The following C8B variants were observed in gnomAD, a reference collection of about 807,000 sequenced individuals.
The protein encoded by C8B is complement component C8 beta chain.
Under a neutral mutation model 64.6 loss-of-function variants are expected in C8B, and 67 were observed. The observed-to-expected ratio is 1.04, with a 90% CI of 0.85 to 1.27. The LOEUF (loss-of-function observed/expected upper bound fraction) is 1.27, where lower values mean the gene tolerates loss of function less well. Ranked by LOEUF, C8B falls within the 50% of genes most tolerant of loss-of-function variation. C8B has a pLI of 0.00. For synonymous variants in C8B, 284 were observed against 257.7 expected (o/e 1.10, Z -0.98); for missense variants, 790 against 725.2 (o/e 1.09, Z -1.03).
chr1:56,936,594 T>C lies in C8B; in HGVS notation c.1399-3106A>G, dbSNP rs892588245. On this transcript the variant is annotated intron_variant, in intron 9 of 11. Transcript: ENST00000371237. ...TTTCTTGGTTTTTTCTTTTCCTTTT[T>C]TCTTTTCTTTTTTTTTTTGAGACAG... 8.8e-4 allele frequency among the ~76,000 whole-genome samples: 129 copies of C among 146,680 alleles called. 4 individuals are homozygous for C. The highest frequency in any genetic ancestry group is 3.1e-4 in the Non-Finnish European group (20 of 65,278).
intron 1 of C8B, among the ~76,000 whole-genome samples, chr1:56,964,949 G>C (rs1645230939): frequency 6.6e-6 from 1 of 152,158 alleles, no homozygotes; most frequent in African/African-American, 2.4e-5. Flanking sequence ...CCTAATAGCT[G>C]TTACTTATTG....
chr1:56,933,533 C>A (rs547941636), intron 9 of C8B, 45 bp from the exon 10 acceptor site: 1 of 1,560,902 alleles, frequency 6.4e-7, no homozygotes, highest in East Asian at 2.2e-5. Context: ...AAACATTTAT[C>A]AAGTAGAAGT....
At chr1:56,964,532 C>T (rs563231910) in intron 1 of C8B, among the ~76,000 whole-genome samples, 2 of 152,176 alleles carry the variant, frequency 1.3e-5, no homozygotes, top group African/African-American at 2.4e-5. Context: ...ACCTGGCACA[C>T]CTTTCAACCC....
intron 6 of C8B, among the ~76,000 whole-genome samples, chr1:56,946,372 C>T (rs1209626508): frequency 6.6e-5 from 10 of 152,118 alleles, no homozygotes; most frequent in African/African-American, 9.7e-5. Flanking sequence ...TCTGATGGGA[C>T]ATGGGGTTTG....
intron 6 of C8B, 95 bp from the exon 7 acceptor site, chr1:56,946,156 C>T (rs1358525105): frequency 5.5e-6 from 8 of 1,448,244 alleles, no homozygotes; most frequent in African/African-American, 1.4e-5. Context: ...ATGTTCTTGG[C>T]CTGGGGTCAT....
Position 56,946,062 on chromosome 1 carries a change from C to G in C8B, c.865-1G>C, listed in dbSNP as rs1644937659. 1 of 1,613,952 alleles carries G rather than the reference C, an allele frequency of 6.2e-7. No homozygotes were observed. Among genetic ancestry groups the G allele is most frequent in the Admixed American group, 1.7e-5 (1 of 60,010 alleles). On this transcript the variant is annotated splice_acceptor_variant, in intron 6 of 11. Coordinates refer to ENST00000371237, the MANE Select transcript of C8B (RefSeq NM_000066.4). LOFTEE classifies it high-confidence loss of function. ...AGCGTGCATGCAGAAATACGCTTTTCTAAATGAAATACCAACATGGGAAAA... is the reference window on the plus strand; with the variant it reads ...AGCGTGCATGCAGAAATACGCTTTTGTAAATGAAATACCAACATGGGAAAA...
intron 4 of C8B, among the ~76,000 whole-genome samples, chr1:56,953,019 C>A (rs141502324): frequency 6.6e-6 from 1 of 152,290 alleles, no homozygotes; most frequent in East Asian, 1.9e-4. Flanking sequence ...TTACTGTTTA[C>A]TGAGGGTGTA....
chr1:56,942,879 G>T (rs1338516055), intron 8 of C8B, among the ~76,000 whole-genome samples: 1 of 151,130 alleles, frequency 6.6e-6, no homozygotes, highest in Non-Finnish European at 1.5e-5. Flanking sequence ...GAGACCAGCT[G>T]GGCAACATGG....
chr1:56,950,178 A>T (rs1645000589), intron 5 of C8B, among the ~76,000 whole-genome samples: 1 of 152,196 alleles, frequency 6.6e-6, no homozygotes, highest in South Asian at 2.1e-4. Flanking sequence ...AGGCTTTTGA[A>T]TTACTTCTCC....
chr1:56,931,845 G>A lies in C8B; in HGVS notation c.1586C>T (p.Ser529Phe), dbSNP rs1644706499. Residue 529 changes from serine (S) to phenylalanine (F), a missense_variant, in exon 11 of 12, where the codon TCC becomes TTC. Physicochemically the swap from Ser to Phe is radical, Grantham distance 155 (BLOSUM62 -2). Transcript: ENST00000371237. ...SRCDCICPVG[S>F]QGLACEVSYR... ...GGAGACCTCACAGGCTAGGCCTTGGGATCCAACAGGACAGATGCAGTCACA... is the reference window on the plus strand; with the variant it reads ...GGAGACCTCACAGGCTAGGCCTTGGAATCCAACAGGACAGATGCAGTCACA... 1 of 1,612,300 alleles carries A rather than the reference G, an allele frequency of 6.2e-7. No individual in the cohort carries two copies. The highest frequency in any genetic ancestry group is 8.5e-7 in the Non-Finnish European group (1 of 1,179,110).
At chr1:56,961,628 T>C (rs60423620) in intron 1 of C8B, among the ~76,000 whole-genome samples, 4,213 of 152,300 alleles carry the variant, frequency 0.028, 195 homozygotes, top group African/African-American at 0.097. Context: ...TTTCTTTCCA[T>C]ATCCAGGATT....
At chr1:56,940,561 C>T (rs754132569) in intron 9 of C8B, among the ~76,000 whole-genome samples, 5 of 119,022 alleles carry the variant, frequency 4.2e-5, no homozygotes, top group Non-Finnish European at 8.7e-5. Context: ...CAGAGCAAGA[C>T]CCTGTCTCTA....
At position 56,948,098 on chromosome 1, in the gene C8B, C is replaced by T. The variant is rs945544528; in HGVS notation, c.864+1457G>A. ...CTCTAGGATAGTGCCTGGCCCAGTGCTAACATCCTATAACTGGCAATTTGA... is the reference window on the plus strand; with the variant it reads ...CTCTAGGATAGTGCCTGGCCCAGTGTTAACATCCTATAACTGGCAATTTGA... On this transcript the variant is annotated intron_variant, in intron 6 of 11. Transcript: ENST00000371237. Among the ~76,000 whole-genome samples the T allele has an allele frequency of 2.0e-5, 3 of 152,148 alleles. No homozygotes were observed. The South Asian group carries it at 6.2e-4, about 32-fold the overall frequency.
intron 11 of C8B, among the ~76,000 whole-genome samples, chr1:56,931,059 G>A (rs1644694066): frequency 1.3e-5 from 2 of 152,120 alleles, no homozygotes; most frequent in South Asian, 2.1e-4. Flanking sequence ...CTATTATATA[G>A]TAAAGTGTCC....
At position 56,940,836 on chromosome 1, in the gene C8B, C is replaced by T; in HGVS notation, c.1398+13G>A. 6.2e-7 allele frequency: 1 copy of T among 1,613,962 alleles called. No individual in the cohort carries two copies. Among genetic ancestry groups the T allele is most frequent in the South Asian group, 1.1e-5 (1 of 91,074 alleles). On this transcript the variant is annotated intron_variant, in intron 9 of 11. Coordinates refer to ENST00000371237, the MANE Select transcript of C8B (RefSeq NM_000066.4). ...TGGGTGGAGGAAAGGATGGGTAGAG[C>T]AGCGTTGTGTACCTTAACTTTGATG...
intron 2 of C8B, 127 bp downstream of exon 2, chr1:56,959,893 T>A: frequency 9.6e-7 from 1 of 1,036,548 alleles, no homozygotes; most frequent in Non-Finnish European, 1.5e-6. Flanking sequence ...AAGGATGCAT[T>A]TATTAAGTTA....
At position 56,960,087 on chromosome 1, in the gene C8B, A is replaced by G. The variant is rs768615212; in HGVS notation, c.182T>C (p.Met61Thr). The G allele has an allele frequency of 5.0e-6, 8 of 1,614,168 alleles. No individual in the cohort carries two copies. The highest frequency in any genetic ancestry group is 6.8e-6 in the Non-Finnish European group (8 of 1,180,020). The change falls in exon 2 of 12, where the codon ATG becomes ACG. Residue 61 changes from methionine to threonine, a missense_variant. Physicochemically the swap from Met to Thr is moderately conservative, Grantham distance 81 (BLOSUM62 -1). Transcript: ENST00000371237. ...ACTAGACAGCTCACAATCAATGGGC[A>G]TCAGGGTAACATCCACACTCCGCAT... Reference protein sequence around the residue: ...RQMRSVDVTLMPIDCELSSWS... With the variant: ...RQMRSVDVTLTPIDCELSSWS...
At position 56,953,699 on chromosome 1, in the gene C8B, A is replaced by G. The variant is rs1027430092; in HGVS notation, c.533+987T>C. Among the ~76,000 whole-genome samples, 3 of 152,326 alleles carry G rather than the reference A, an allele frequency of 2.0e-5. No homozygotes were observed. In the East Asian group the frequency reaches 5.8e-4, roughly 29 times the overall value. ...ACTTCCTCCTGCAGATGATAAAGCT[A>G]AAGTTCCACGTAGATAAGTGCCTTG... On this transcript the variant is annotated intron_variant, in intron 4 of 11. Transcript: ENST00000371237.
chr1:56,948,235 G>A (rs1446142580), intron 6 of C8B, among the ~76,000 whole-genome samples: 1 of 152,202 alleles, frequency 6.6e-6, no homozygotes, highest in Non-Finnish European at 1.5e-5. Context: ...TCATGTGTTT[G>A]AAGGGGAAAG....
Sources: gnomAD v4.1 joint callset for allele counts (sites outside exome capture counted in the v4.1 genomes callset) on GRCh38, gnomAD v4.1.1 for gene constraint, MANE v1.5 for transcripts, NCBI Gene and HGNC (gene_info 2026-07-23, HGNC 2026-07-21) for gene names.